Variants in GRP observed in about 807,000 individuals in gnomAD.
GRP encodes the protein gastrin releasing peptide, also known as gastrin-releasing peptide.
GRP carries 11 observed loss-of-function variants against 12.7 expected under a neutral mutation model. That is an observed-to-expected ratio of 0.87 (90% CI 0.55 to 1.44). GRP has a LOEUF of 1.44. Ranked by LOEUF, GRP falls within the 40% of genes most tolerant of loss-of-function variation. The pLI is 0.00. For synonymous variants in GRP, 84 were observed against 77.7 expected (o/e 1.08, Z -0.43); for missense variants, 212 against 185.4 (o/e 1.14, Z -0.83).
chr18:59,230,120 C>G (rs1049813401), intron 2 of GRP, among the ~76,000 whole-genome samples: 1 of 152,016 alleles, frequency 6.6e-6, no homozygotes, highest in Non-Finnish European at 1.5e-5. Context: ...CAATAAGATC[C>G]CAAAATGCAG....
chr18:59,219,357 C>T (rs1032064989), upstream of GRP, among the ~76,000 whole-genome samples: 3 of 148,588 alleles, frequency 2.0e-5, no homozygotes, highest in African/African-American at 7.5e-5. Flanking sequence ...AGGATACTGC[C>T]CTTAACCTTA....
intron 1 of GRP, among the ~76,000 whole-genome samples, chr18:59,221,428 C>G (rs1168348655): frequency 6.6e-6 from 1 of 152,168 alleles, no homozygotes; most frequent in Non-Finnish European, 1.5e-5. Flanking sequence ...TCGGCGTCGC[C>G]GAGCATAGCT....
upstream of GRP, chr18:59,220,128 A>G (rs868495662): frequency 7.1e-5 from 15 of 210,064 alleles, no homozygotes; most frequent in Middle Eastern, 1.7e-3. Flanking sequence ...CCGGGCTTCC[A>G]TATAAAGTAG....
chr18:59,224,958 A>AT (rs915683845), intron 1 of GRP, among the ~76,000 whole-genome samples: 6 of 152,012 alleles, frequency 3.9e-5, no homozygotes, highest in East Asian at 1.9e-4. Context: ...TTCCTTTGGT[A>AT]TTTTTTTTAT....
chr18:59,219,794 C>A (rs73456218), upstream of GRP, among the ~76,000 whole-genome samples: 3 of 152,116 alleles, frequency 2.0e-5, no homozygotes, highest in Middle Eastern at 3.2e-3. Flanking sequence ...CCCCCCACCC[C>A]TCCCGGCCCA....
chr18:59,228,184 A>G (rs1356512532), intron 2 of GRP, among the ~76,000 whole-genome samples: 1 of 152,186 alleles, frequency 6.6e-6, no homozygotes, highest in African/African-American at 2.4e-5. Context: ...AAAATATTTT[A>G]TTGCTTCTCT....
At position 59,225,640 on chromosome 18, in the gene GRP, C is replaced by T; in HGVS notation, c.288C>T (p.His96=). ...TAGAAGCAAAGGAGAACAGAAACCA[C>T]CAGCCACCTCAACCCAAGGCCCTGG... ...GLIEAKENRN[H]QPPQPKALGN... Residue 96 remains histidine, a synonymous_variant, in exon 2 of 3, where the codon CAC becomes CAT. Coordinates refer to ENST00000256857, the MANE Select transcript of GRP (RefSeq NM_002091.5). 6.2e-7 allele frequency: 1 copy of T among 1,614,054 alleles called. No individual in the cohort carries two copies. The highest frequency in any genetic ancestry group is 8.5e-7 in the Non-Finnish European group (1 of 1,179,950).
intron 1 of GRP, among the ~76,000 whole-genome samples, chr18:59,222,578 A>T (rs2069852094): frequency 6.6e-6 from 1 of 152,246 alleles, no homozygotes; most frequent in South Asian, 2.1e-4. Context: ...ATTGACAAGG[A>T]TGAATGATGT....
In GRP at chr18:59,225,697, TAGC is replaced by T. The variant is rs1446293557; in HGVS notation, c.350_352del (p.Ser117del). 1.2e-6 allele frequency: 2 copies of T among 1,613,998 alleles called. No homozygotes were observed. Among genetic ancestry groups the T allele is most frequent in the African/African-American group, 2.7e-5 (2 of 74,990 alleles). On this transcript the variant is annotated inframe_deletion, in exon 2 of 3. Coordinates refer to ENST00000256857, the MANE Select transcript of GRP (RefSeq NM_002091.5). ...AGCAGCCTTCGTGGGATTCAGAGGA[TAGC>T]AGCAACTTCAAAGATGTAGGTTCAA... is the stretch of plus-strand genomic sequence containing the variant.
intron 2 of GRP, among the ~76,000 whole-genome samples, chr18:59,227,743 GC>G (rs1292340547): frequency 2.0e-5 from 3 of 152,036 alleles, no homozygotes; most frequent in Admixed American, 2.0e-4. Flanking sequence ...CCTCAACCTG[GC>G]TCTGCATATC....
upstream of GRP, chr18:59,220,057 A>C: frequency 1.0e-5 from 4 of 397,704 alleles, no homozygotes; most frequent in Non-Finnish European, 8.9e-6. Flanking sequence ...CGCCCCGGTT[A>C]GCTATAGGGA....
At chr18:59,226,992 CCTTTCTTTCTTTCTTTCTTTCTTT>C (rs34258044) in intron 2 of GRP, among the ~76,000 whole-genome samples, 1,535 of 107,882 alleles carry the variant, frequency 0.014, 21 homozygotes, top group Non-Finnish European at 0.019. Context: ...TTCTTTTCTT[CCTTTCTTTCTTTCTTTCTTTCTTT>C]CTTTCTTTCT....
At chr18:59,228,748 T>C (rs1177397450) in intron 2 of GRP, among the ~76,000 whole-genome samples, 1 of 152,224 alleles carries the variant, frequency 6.6e-6, no homozygotes, top group Non-Finnish European at 1.5e-5. Flanking sequence ...TTCTGCAACA[T>C]GAAACTCTGT....
At chr18:59,221,595 C>CTGTGTGTGTGTGTGTGTG (rs143541111) in intron 1 of GRP, among the ~76,000 whole-genome samples, 210 of 149,864 alleles carry the variant, frequency 1.4e-3, no homozygotes, top group Non-Finnish European at 2.3e-3. Flanking sequence ...GTGTGTGTCT[C>CTGTGTGTGTGTGTGTGTG]TGTGTGTGTG....
chr18:59,225,104 C>A (rs2069895449), intron 1 of GRP, among the ~76,000 whole-genome samples: 1 of 152,118 alleles, frequency 6.6e-6, no homozygotes, highest in Non-Finnish European at 1.5e-5. Flanking sequence ...GAATTTGGTG[C>A]ACACAGAATT....
chr18:59,220,608 T>C (rs1420391901), intron 1 of GRP, among the ~76,000 whole-genome samples: 1 of 152,136 alleles, frequency 6.6e-6, no homozygotes, highest in Non-Finnish European at 1.5e-5. Context: ...CATGAGTCCC[T>C]AGTCAGCCGC....
At chr18:59,220,426 G>C in intron 1 of GRP, 22 bp downstream of exon 1, 1 of 1,342,014 alleles carries the variant, frequency 7.5e-7, no homozygotes. Context: ...GGCCGCGGGA[G>C]CCGCGCGCTT....
At position 59,220,373 on chromosome 18, in the gene GRP, G is replaced by C. The variant is rs1343643994; in HGVS notation, c.108G>C (p.Lys36Asn). The change falls in exon 1 of 3, where the codon AAG becomes AAC. Residue 36 changes from lysine (K) to asparagine (N), a missense_variant. Transcript: ENST00000256857. The part of the protein sequence containing the change: ...LPAGGGTVLT[K>N]MYPRGNHWAV... ...CGGGCGGAGGGACCGTGCTGACCAA[G>C]ATGTACCCGCGCGGCAACCACTGGG... 7 of 1,429,028 alleles carry C rather than the reference G, an allele frequency of 4.9e-6. No homozygotes were observed. The highest frequency in any genetic ancestry group is 6.4e-6 in the Non-Finnish European group (7 of 1,091,672). 88.5% of individuals were successfully genotyped at this position (1,429,028 alleles called of 1,614,324 possible). A position where few individuals can be genotyped will look rare whatever the true frequency, so the allele number is the denominator to read the frequency against.
chr18:59,227,086 G>GCT (rs1160373421), intron 2 of GRP, among the ~76,000 whole-genome samples: 1 of 59,752 alleles, frequency 1.7e-5, no homozygotes, highest in Non-Finnish European at 3.5e-5. Context: ...TTTCTCTCTT[G>GCT]CTCTCTCTCT....
Sources: allele counts gnomAD v4.1 joint callset (sites outside exome capture counted in the v4.1 genomes callset), GRCh38; gene constraint gnomAD v4.1.1; transcripts MANE v1.5; gene names NCBI Gene and HGNC (gene_info 2026-07-23, HGNC 2026-07-21).